Variants in WDR33 observed in about 807,000 individuals in gnomAD.
WDR33 encodes the protein pre-mRNA 3' end processing protein WDR33.
In WDR33, 47 loss-of-function variants were observed where a neutral mutation model predicts 164.9. That is an observed-to-expected ratio of 0.29 (90% CI 0.23 to 0.36). The LOEUF (loss-of-function observed/expected upper bound fraction) is 0.36, where lower values mean the gene tolerates loss of function less well. Ranked by LOEUF, WDR33 falls within the 10% of genes least tolerant of loss-of-function variation. WDR33 has a pLI of 1.00. For synonymous variants in WDR33, 505 were observed against 589.0 expected (o/e 0.86, Z 2.06); for missense variants, 1,137 against 1,754.1 (o/e 0.65, Z 6.28).
At chr2:127,801,299 C>T (rs531507580) in intron 1 of WDR33, among the ~76,000 whole-genome samples, 1 of 151,868 alleles carries the variant, frequency 6.6e-6, no homozygotes. Flanking sequence ...AAAACACACA[C>T]AGACACAGAA....
intron 1 of WDR33, among the ~76,000 whole-genome samples, chr2:127,797,617 A>G (rs1689084347): frequency 6.6e-6 from 1 of 152,196 alleles, no homozygotes; most frequent in Non-Finnish European, 1.5e-5. Context: ...GCCACTCTGT[A>G]ATTATGAACA....
chr2:127,705,120 A>C lies in WDR33; in HGVS notation c.*1203T>G, dbSNP rs1198983189. 6.0e-6 allele frequency: 1 copy of C among 167,122 alleles called. No homozygotes were observed. Among genetic ancestry groups the C allele is most frequent in the Non-Finnish European group, 1.5e-5 (1 of 68,136 alleles). The allele number at this position is 167,122 out of a possible 1,614,324, so 10.4% of individuals were successfully genotyped here. On this transcript the variant is annotated 3_prime_UTR_variant, in exon 22 of 22. Coordinates refer to ENST00000322313, the MANE Select transcript of WDR33 (RefSeq NM_018383.5). The surrounding 1 kb of genome is among the most constrained non-coding windows in gnomAD (Gnocchi z 4.5). ...ACTTCCAGCACCACTAAATTTGCCA[A>C]ATAAATTTGACTGATGCCAAAACTG... is the stretch of plus-strand genomic sequence containing the variant.
chr2:127,711,770 A>ATTTTTTTTTT lies in WDR33; in HGVS notation c.3308+1812_3308+1813insAAAAAAAAAA, dbSNP rs1220888579. On this transcript the variant is annotated intron_variant, in intron 18 of 21. Coordinates refer to ENST00000322313, the MANE Select transcript of WDR33 (RefSeq NM_018383.5). ...TATACAGATATATATATATATATAT[A>ATTTTTTTTTT]TATATATATATTTTTTTTTTGAGAC... Among the ~76,000 whole-genome samples the ATTTTTTTTTT allele has an allele frequency of 1.2e-3, 95 of 77,836 alleles. 3 individuals carry two copies. The highest frequency in any genetic ancestry group is 8.5e-3 in the Middle Eastern group (1 of 118). 51.1% of individuals were successfully genotyped at this position (77,836 alleles called of 152,430 possible).
intron 1 of WDR33, among the ~76,000 whole-genome samples, chr2:127,777,492 T>A (rs976703728): frequency 6.6e-6 from 1 of 152,236 alleles, no homozygotes; most frequent in Non-Finnish European, 1.5e-5. Context: ...ACCTGTAAAA[T>A]GAGTTCCATG....
At chr2:127,736,654 T>G (rs1306410270) in intron 7 of WDR33, 1 of 985,448 alleles carries the variant, frequency 1.0e-6, no homozygotes, top group Non-Finnish European at 1.2e-6. Context: ...GTCAAATAGG[T>G]TAGAAATTGA....
chr2:127,760,658 G>A (rs1687648590), intron 7 of WDR33, among the ~76,000 whole-genome samples: 1 of 152,160 alleles, frequency 6.6e-6, no homozygotes, highest in African/African-American at 2.4e-5. Flanking sequence ...TCCTACAGCA[G>A]ACCTGCTATC....
Position 127,709,978 on chromosome 2 carries a change from A to G in WDR33, c.3309-122T>C. On this transcript the variant is annotated intron_variant, in intron 18 of 21. Coordinates refer to ENST00000322313, the MANE Select transcript of WDR33 (RefSeq NM_018383.5). This position sits in a 1 kb window ranked among gnomAD's most constrained non-coding sequence, Gnocchi z 5.0. ...CAATGTTAATTGGGAGGAAAACAAA[A>G]TAAAACTATATATTTTTGAAAGGAT... is the stretch of plus-strand genomic sequence containing the variant. The G allele has an allele frequency of 4.0e-6, 5 of 1,256,930 alleles. No individual in the cohort carries two copies. The highest frequency in any genetic ancestry group is 5.5e-6 in the Non-Finnish European group (5 of 910,302). The allele number at this position is 1,256,930 out of a possible 1,614,324, so 77.9% of individuals were successfully genotyped here. A position where few individuals can be genotyped will look rare whatever the true frequency, so the allele number is the denominator to read the frequency against.
intron 21 of WDR33, among the ~76,000 whole-genome samples, chr2:127,707,549 T>G (rs1359698555): frequency 6.6e-6 from 1 of 152,206 alleles, no homozygotes; most frequent in Non-Finnish European, 1.5e-5. Context: ...CAGAGGGACC[T>G]AATAATGGTG....
Position 127,711,774 on chromosome 2 carries a change from A to ATTTTTTTTT in WDR33, c.3308+1808_3308+1809insAAAAAAAAA, listed in dbSNP as rs1382438028. ...CAGATATATATATATATATATATAT[A>ATTTTTTTTT]TATATATTTTTTTTTTGAGACAGAG... On this transcript the variant is annotated intron_variant, in intron 18 of 21. Coordinates refer to ENST00000322313, the MANE Select transcript of WDR33 (RefSeq NM_018383.5). Among the ~76,000 whole-genome samples the ATTTTTTTTT allele has an allele frequency of 2.7e-3, 254 of 93,294 alleles. 11 individuals carry two copies. The highest frequency in any genetic ancestry group is 3.9e-3 in the Non-Finnish European group (199 of 51,094). 61.2% of individuals were successfully genotyped at this position (93,294 alleles called of 152,430 possible). A position where few individuals can be genotyped will look rare whatever the true frequency, so the allele number is the denominator to read the frequency against.
intron 21 of WDR33, among the ~76,000 whole-genome samples, chr2:127,707,400 G>A (rs1686047449): frequency 6.6e-6 from 1 of 152,114 alleles, no homozygotes; most frequent in Non-Finnish European, 1.5e-5. Context: ...TATGAATCTA[G>A]CTGAGATGAA....
chr2:127,720,140 G>A lies in WDR33; in HGVS notation c.1885C>T (p.Pro629Ser), dbSNP rs150827665. 1.9e-5 allele frequency: 31 copies of A among 1,613,986 alleles called. No homozygotes were observed. The African/African-American group carries it at 2.5e-4, about 13-fold the overall frequency. Residue 629 changes from proline (P) to serine (S), a missense_variant, in exon 16 of 22, where the codon CCT becomes TCT. Coordinates refer to ENST00000322313, the MANE Select transcript of WDR33 (RefSeq NM_018383.5). This position sits in a 1 kb window ranked among gnomAD's most constrained non-coding sequence, Gnocchi z 5.9. ...GGTCCCATTTGTCCCTGGGGTCCAG[G>A]AGGCCTAAACTGTCCCTGTGGACCT... ...PPGPQGQFRP[P>S]GPQGQMGPQG...
In WDR33 at chr2:127,770,171, A is replaced by G. The variant is rs1687955175; in HGVS notation, c.204+607T>C. On this transcript the variant is annotated intron_variant, in intron 2 of 21. Transcript: ENST00000322313. The surrounding 1 kb of genome is among the most constrained non-coding windows in gnomAD (Gnocchi z 4.9). ...GTGTTTTAAGACTGGCCTAGCGATT[A>G]AAGTACTCCCTTCTAATTTGTGAAC... Among the ~76,000 whole-genome samples, 1 of 152,244 alleles carries G rather than the reference A, an allele frequency of 6.6e-6. No homozygotes were observed. The highest frequency in any genetic ancestry group is 1.5e-5 in the Non-Finnish European group (1 of 68,046).
At chr2:127,774,632 A>C (rs938740061) in intron 1 of WDR33, among the ~76,000 whole-genome samples, 1 of 152,144 alleles carries the variant, frequency 6.6e-6, no homozygotes, top group Non-Finnish European at 1.5e-5. Flanking sequence ...GATCGAGACC[A>C]TCCCGGCTAA....
chr2:127,801,426 C>T (rs1463068884), intron 1 of WDR33, among the ~76,000 whole-genome samples: 2 of 151,660 alleles, frequency 1.3e-5, no homozygotes, highest in African/African-American at 2.4e-5. Context: ...CTTTGGGAGG[C>T]CATGGTGGGA....
Position 127,724,904 on chromosome 2 carries a change from C to G in WDR33, c.1068G>C (p.Leu356Phe). ...LFASGGSDGS[L>F]LFWHVGVEKE... ...TTACATACCCAACATGCCAGAATAA[C>G]AAAGAACCATCAGACCCTCCACTGG... is the stretch of plus-strand genomic sequence containing the variant. The change falls in exon 10 of 22, where the codon TTG becomes TTC. Residue 356 changes from leucine (L) to phenylalanine (F), a missense_variant. By Grantham distance (22) the Leu-to-Phe change is conservative (BLOSUM62 0). Transcript: ENST00000322313. This position sits in a 1 kb window ranked among gnomAD's most constrained non-coding sequence, Gnocchi z 4.8. 6.2e-7 allele frequency: 1 copy of G among 1,614,150 alleles called. No homozygotes were observed. The highest frequency in any genetic ancestry group is 8.5e-7 in the Non-Finnish European group (1 of 1,180,014).
intron 7 of WDR33, among the ~76,000 whole-genome samples, chr2:127,757,027 G>A (rs898512913): frequency 7.4e-5 from 11 of 149,508 alleles, no homozygotes; most frequent in African/African-American, 1.7e-4. Context: ...CAGTGGGCCA[G>A]TATTGCGCCA....
intron 7 of WDR33, among the ~76,000 whole-genome samples, chr2:127,734,073 C>T (rs1686778428): frequency 6.6e-6 from 1 of 152,178 alleles, no homozygotes; most frequent in African/African-American, 2.4e-5. Context: ...AACTGAAGAG[C>T]TTGTATATGA....
At chr2:127,758,945 C>G (rs1429700677) in intron 7 of WDR33, among the ~76,000 whole-genome samples, 2 of 152,154 alleles carry the variant, frequency 1.3e-5, no homozygotes, top group Non-Finnish European at 2.9e-5. Context: ...TTTAATGGTA[C>G]TATTTCAGTT....
In WDR33 at chr2:127,724,260, T is replaced by C; in HGVS notation, c.1196+73A>G. On this transcript the variant is annotated intron_variant, in intron 11 of 21. Coordinates refer to ENST00000322313, the MANE Select transcript of WDR33 (RefSeq NM_018383.5). The surrounding 1 kb of genome is among the most constrained non-coding windows in gnomAD (Gnocchi z 4.8). ...ATAAATTACTATATCAATCAACCAATAAAAATAAACACATACAGTATTTAT... is the reference window on the plus strand; with the variant it reads ...ATAAATTACTATATCAATCAACCAACAAAAATAAACACATACAGTATTTAT... 8.4e-7 allele frequency: 1 copy of C among 1,191,926 alleles called. No individual in the cohort carries two copies. Among genetic ancestry groups the C allele is most frequent in the Non-Finnish European group, 1.2e-6 (1 of 828,814 alleles). The allele number at this position is 1,191,926 out of a possible 1,614,324, so 73.8% of individuals were successfully genotyped here.
Sources: gnomAD v4.1 joint callset for allele counts (sites outside exome capture counted in the v4.1 genomes callset) on GRCh38, gnomAD v4.1.1 for gene constraint, Gnocchi (gnomAD v3.1) non-coding constraint, MANE v1.5 for transcripts, NCBI Gene and HGNC (gene_info 2026-07-23, HGNC 2026-07-21) for gene names.